Variants in LRP12 observed in about 807,000 individuals in gnomAD.
LRP12 encodes the protein low-density lipoprotein receptor-related protein 12.
A neutral mutation model predicts 66.0 loss-of-function variants in LRP12; 14 were observed. The ratio of observed to expected loss-of-function variants is 0.21; its 90% CI spans 0.14 to 0.33. LRP12 has a LOEUF of 0.33. Among genes scored for constraint, LRP12 ranks in the 10% least tolerant of loss-of-function variants. The probability of loss-of-function intolerance (pLI) is 1.00; values close to 1 mark genes in which losing one functional copy is unlikely to be tolerated. For missense variants in LRP12, 889 were observed against 1,053.4 expected, an observed-to-expected ratio of 0.84 and a Z score of 2.16; for synonymous variants, 357 against 359.1, an observed-to-expected ratio of 0.99 and a Z score of 0.07.
At chr8:104,551,038 C>T (rs1811717107) in intron 1 of LRP12, among the ~76,000 whole-genome samples, 1 of 152,138 alleles carries the variant, frequency 6.6e-6, no homozygotes, top group Non-Finnish European at 1.5e-5. Flanking sequence ...TAATCTGGCT[C>T]TTCTATCTCT....
chr8:104,557,096 T>C (rs984615901), intron 1 of LRP12, among the ~76,000 whole-genome samples: 1 of 152,150 alleles, frequency 6.6e-6, no homozygotes, highest in Admixed American at 6.5e-5. Context: ...GGAATCAACA[T>C]AGAAGGTACA....
intron 2 of LRP12, among the ~76,000 whole-genome samples, chr8:104,522,180 C>T (rs1811162124): frequency 6.6e-6 from 1 of 151,964 alleles, no homozygotes; most frequent in African/African-American, 2.4e-5. Context: ...TAGTACTCTC[C>T]ATTATTACAA....
chr8:104,563,976 T>G (rs575344155), intron 1 of LRP12, among the ~76,000 whole-genome samples: 78 of 152,212 alleles, frequency 5.1e-4, no homozygotes, highest in Non-Finnish European at 7.9e-4. Flanking sequence ...GTAACTACTA[T>G]GTAACTGTTT....
At chr8:104,553,908 T>C (rs1237695525) in intron 1 of LRP12, among the ~76,000 whole-genome samples, 5 of 152,202 alleles carry the variant, frequency 3.3e-5, no homozygotes, top group Non-Finnish European at 5.9e-5. Flanking sequence ...ACTGGAAAGA[T>C]GCTGGTATCC....
intron 1 of LRP12, among the ~76,000 whole-genome samples, chr8:104,533,693 T>G (rs1200060242): frequency 6.6e-6 from 1 of 152,016 alleles, no homozygotes; most frequent in South Asian, 2.1e-4. Flanking sequence ...TTTACTTTTT[T>G]AAAAAAGAGA....
chr8:104,549,687 C>T (rs928881131), intron 1 of LRP12, among the ~76,000 whole-genome samples: 1 of 152,180 alleles, frequency 6.6e-6, no homozygotes, highest in African/African-American at 2.4e-5. Flanking sequence ...CAGGCGTGAG[C>T]CCCCGAGCCC....
chr8:104,522,753 G>A (rs1811170961), intron 2 of LRP12, among the ~76,000 whole-genome samples: 1 of 152,000 alleles, frequency 6.6e-6, no homozygotes, highest in South Asian at 2.1e-4. Context: ...CTTCAGGCTA[G>A]TTTTTGCCTA....
intron 3 of LRP12, among the ~76,000 whole-genome samples, chr8:104,501,421 C>A (rs1160678461): frequency 6.6e-6 from 1 of 151,780 alleles, no homozygotes; most frequent in African/African-American, 2.4e-5. Flanking sequence ...TATTCTTGGC[C>A]GGGCATGGTG....
intron 6 of LRP12, among the ~76,000 whole-genome samples, chr8:104,493,089 G>A (rs1810662918): frequency 6.6e-6 from 1 of 152,164 alleles, no homozygotes; most frequent in South Asian, 2.1e-4. Flanking sequence ...ATACTGAGGT[G>A]AAACTCTCTA....
intron 2 of LRP12, among the ~76,000 whole-genome samples, chr8:104,529,280 A>G (rs1311151452): frequency 6.6e-6 from 1 of 152,212 alleles, no homozygotes; most frequent in Admixed American, 6.5e-5. Context: ...AGAACTCAGA[A>G]GAAACCAACC....
At chr8:104,532,430 A>G (rs760984940) in intron 1 of LRP12, among the ~76,000 whole-genome samples, 20 of 152,092 alleles carry the variant, frequency 1.3e-4, no homozygotes, top group Non-Finnish European at 2.5e-4. Context: ...AAATCTTTCA[A>G]ATTTTTCTCA....
intron 1 of LRP12, among the ~76,000 whole-genome samples, chr8:104,565,520 G>A (rs999591969): frequency 2.0e-5 from 3 of 152,060 alleles, no homozygotes; most frequent in Non-Finnish European, 4.4e-5. Flanking sequence ...ACTCAAACGT[G>A]AGGGCAAAAT....
intron 1 of LRP12, among the ~76,000 whole-genome samples, chr8:104,562,733 T>A (rs1811933296): frequency 6.6e-6 from 1 of 152,166 alleles, no homozygotes; most frequent in Non-Finnish European, 1.5e-5. Flanking sequence ...GTCCATCTAC[T>A]GGAGATGGGA....
chr8:104,557,610 GA>G, intron 1 of LRP12, among the ~76,000 whole-genome samples: 1 of 151,530 alleles, frequency 6.6e-6, no homozygotes, highest in East Asian at 1.9e-4. Context: ...ACTGCTGAAA[GA>G]AATCACAGAC....
intron 1 of LRP12, among the ~76,000 whole-genome samples, chr8:104,571,741 A>G (rs1812083590): frequency 6.6e-6 from 1 of 152,238 alleles, no homozygotes; most frequent in South Asian, 2.1e-4. Flanking sequence ...TCCTGGTGGC[A>G]GACTGCAAAC....
intron 2 of LRP12, among the ~76,000 whole-genome samples, chr8:104,521,083 A>G (rs1202734217): frequency 2.6e-5 from 4 of 152,006 alleles, no homozygotes; most frequent in Admixed American, 2.6e-4. Context: ...TATAACATAC[A>G]ATGAGTATTC....
At chr8:104,545,834 GTATAT>G (rs1319799757) in intron 1 of LRP12, among the ~76,000 whole-genome samples, 1 of 152,112 alleles carries the variant, frequency 6.6e-6, no homozygotes, top group African/African-American at 2.4e-5. Context: ...ATGTATGCCT[GTATAT>G]TACTTATGCT....
In LRP12 at chr8:104,588,965, C is replaced by A. The variant is rs878946080; in HGVS notation, c.-68G>T. On this transcript the variant is annotated 5_prime_UTR_variant, in exon 1 of 7. Transcript: ENST00000276654. ...GGGAGGAGAAGCTGGAGGTAGACGA[C>A]GCCGACGCCGCCGCCGCCGCCGCCG... is the stretch of plus-strand genomic sequence containing the variant. The A allele has an allele frequency of 5.1e-6, 4 of 782,326 alleles. No individual in the cohort carries two copies. The South Asian group carries it at 8.7e-5, about 17-fold the overall frequency. The allele number at this position is 782,326 out of a possible 1,614,324, so 48.5% of individuals were successfully genotyped here. A position where few individuals can be genotyped will look rare whatever the true frequency, so the allele number is the denominator to read the frequency against.
intron 1 of LRP12, among the ~76,000 whole-genome samples, chr8:104,588,540 G>A (rs146837226): frequency 0.017 from 2,546 of 152,228 alleles, 88 homozygotes; most frequent in African/African-American, 0.059. Flanking sequence ...AACCCAGGTC[G>A]GGAAGTCCGC....
Sources: gnomAD v4.1 joint callset for allele counts (sites outside exome capture counted in the v4.1 genomes callset) on GRCh38, gnomAD v4.1.1 for gene constraint, MANE v1.5 for transcripts, NCBI Gene and HGNC (gene_info 2026-07-23, HGNC 2026-07-21) for gene names.